The following ABI3BP variants were observed in gnomAD, a reference collection of about 807,000 sequenced individuals.
ABI3BP encodes the protein target of Nesh-SH3.
A neutral mutation model predicts 268.6 loss-of-function variants in ABI3BP; 216 were observed. The ratio of observed to expected loss-of-function variants is 0.80; its 90% CI spans 0.72 to 0.90. ABI3BP has a LOEUF of 0.90. Among genes scored for constraint, ABI3BP ranks in the 40% least tolerant of loss-of-function variants. The pLI is 0.00. For synonymous variants in ABI3BP, 730 were observed against 730.0 expected, an observed-to-expected ratio of 1.00 and a Z score of 0.00; for missense variants, 2,090 against 2,182.4, an observed-to-expected ratio of 0.96 and a Z score of 0.84.
At chr3:100,889,148 C>T (rs1200614609) in intron 4 of ABI3BP, among the ~76,000 whole-genome samples, 1 of 152,118 alleles carries the variant, frequency 6.6e-6, no homozygotes, top group Non-Finnish European at 1.5e-5. Context: ...TGAAGCCAAA[C>T]ACAATAAATT....
chr3:100,842,894 T>C (rs1201093460), intron 20 of ABI3BP, among the ~76,000 whole-genome samples: 3 of 152,186 alleles, frequency 2.0e-5, no homozygotes, highest in Non-Finnish European at 4.4e-5. Flanking sequence ...CTTTGACTTT[T>C]CTTAAAGAAA....
chr3:100,812,322 A>G (rs2097882278), intron 46 of ABI3BP, 145 bp downstream of exon 46: 1 of 447,396 alleles, frequency 2.2e-6, no homozygotes, highest in East Asian at 3.5e-5. Context: ...ATACAATGAC[A>G]TTCAAGACCC....
At chr3:100,833,672 T>C (rs996784610) in intron 29 of ABI3BP, among the ~76,000 whole-genome samples, 10 of 152,198 alleles carry the variant, frequency 6.6e-5, no homozygotes, top group South Asian at 2.1e-4. Context: ...TAGAGGGTCA[T>C]TCAATCCATC....
chr3:100,940,216 A>G (rs1339739194), intron 1 of ABI3BP, among the ~76,000 whole-genome samples: 1 of 152,138 alleles, frequency 6.6e-6, no homozygotes, highest in Non-Finnish European at 1.5e-5. Flanking sequence ...TGAGATAAAA[A>G]TAAAGACAGG....
At position 100,829,615 on chromosome 3, in the gene ABI3BP, G is replaced by T. The variant is rs1270693511; in HGVS notation, c.2508C>A (p.Thr836=). 5.9e-6 allele frequency: 9 copies of T among 1,535,686 alleles called. No individual in the cohort carries two copies. The highest frequency in any genetic ancestry group is 7.9e-6 in the Non-Finnish European group (9 of 1,146,484). The change falls in exon 33 of 68, where the codon ACC becomes ACA. Residue 836 remains threonine (T), a synonymous_variant. Coordinates refer to ENST00000471714, the MANE Select transcript of ABI3BP (RefSeq NM_001375547.2). ...TCTGAAGCTCTTCGGGACTCAGTGT[G>T]GTTTTAGGTTTGGGATGTGGACGAT... The part of the protein sequence containing the change: ...RTHRPHPKPK[T]TLSPEELQTE...
rs1020356817 is a variant in ABI3BP at position 100,834,740 on chromosome 3, C to T, written c.2225G>A (p.Arg742His). ...PKTSQRTRTR[R>H]PRPKHKTTPR... ...CGTGGTTTTATGTTTGGGACGTGGA[C>T]GACGTGTTCTTGTTCGTTGCGATGT... is the stretch of plus-strand genomic sequence containing the variant. Residue 742 changes from arginine (R) to histidine (H), a missense_variant, in exon 29 of 68, where the codon CGT (arginine) becomes CAT (histidine). Arg to His is a conservative substitution (Grantham distance 29). Transcript: ENST00000471714. 1.1e-5 allele frequency: 17 copies of T among 1,535,534 alleles called. No homozygotes were observed. Among genetic ancestry groups the T allele is most frequent in the East Asian group, 4.9e-5 (2 of 40,900 alleles).
intron 12 of ABI3BP, chr3:100,863,398 C>A (rs1183452383): frequency 6.4e-6 from 1 of 156,406 alleles, no homozygotes; most frequent in South Asian, 2.0e-4. Context: ...TCACTGCAAC[C>A]TCCACCTCCT....
intron 9 of ABI3BP, among the ~76,000 whole-genome samples, chr3:100,867,827 C>T (rs1010026024): frequency 5.3e-5 from 8 of 151,566 alleles, no homozygotes; most frequent in African/African-American, 1.9e-4. Context: ...TAGATCTTCT[C>T]TTTTAATCTC....
intron 1 of ABI3BP, among the ~76,000 whole-genome samples, chr3:100,940,673 A>C (rs1313933920): frequency 6.7e-6 from 1 of 148,794 alleles, no homozygotes; most frequent in Non-Finnish European, 1.5e-5. Flanking sequence ...TAATTCTGCT[A>C]TTACTGGTAA....
chr3:100,925,039 C>G (rs573239985), intron 2 of ABI3BP, among the ~76,000 whole-genome samples: 1 of 152,250 alleles, frequency 6.6e-6, no homozygotes, highest in East Asian at 1.9e-4. Flanking sequence ...AGTGTTATTA[C>G]ATTTGTCAGA....
Position 100,904,671 on chromosome 3 carries a change from C to T in ABI3BP, c.260-1985G>A, listed in dbSNP as rs935613250. Among the ~76,000 whole-genome samples, 8 of 151,874 alleles carry T rather than the reference C, an allele frequency of 5.3e-5. No individual in the cohort carries two copies. The East Asian group carries it at 5.8e-4, about 11-fold the overall frequency. On this transcript the variant is annotated intron_variant, in intron 2 of 67. Transcript: ENST00000471714. ...GCACTTTAAGAAATATGAATATCAT[C>T]GCTGGCCATCAGAGAAATGCAAATC... is the stretch of plus-strand genomic sequence containing the variant.
intron 26 of ABI3BP, 60 bp from the exon 27 acceptor site, chr3:100,837,231 G>T: frequency 1.5e-6 from 2 of 1,337,436 alleles, no homozygotes; most frequent in Admixed American, 4.5e-5. Context: ...AAACTTTTGG[G>T]TGCTCATTGG....
intron 1 of ABI3BP, among the ~76,000 whole-genome samples, chr3:100,977,003 A>G (rs2086566635): frequency 6.6e-6 from 1 of 152,180 alleles, no homozygotes; most frequent in African/African-American, 2.4e-5. Context: ...GAATTTTTTT[A>G]AAGGGATAAT....
chr3:100,859,756 A>C (rs2098977208), intron 14 of ABI3BP, among the ~76,000 whole-genome samples: 1 of 152,226 alleles, frequency 6.6e-6, no homozygotes, highest in Non-Finnish European at 1.5e-5. Context: ...ACTAGCAGAA[A>C]CAAGAGATAC....
rs556125166 is a variant in ABI3BP, at chr3:100,908,334, G to A, written c.260-5648C>T. ...CAATGATACTGGGTAAAAAAACAAC[G>A]GGACTGTTGATAACTGAGTTGAATT... On this transcript the variant is annotated intron_variant, in intron 2 of 67. Coordinates refer to ENST00000471714, the MANE Select transcript of ABI3BP (RefSeq NM_001375547.2). 9.2e-5 allele frequency among the ~76,000 whole-genome samples: 14 copies of A among 152,116 alleles called. No homozygotes were observed. In the South Asian group the frequency reaches 2.1e-3, roughly 23 times the overall value.
chr3:100,789,408 C>A, intron 56 of ABI3BP, 46 bp downstream of exon 56: 1 of 1,558,032 alleles, frequency 6.4e-7, no homozygotes, highest in Non-Finnish European at 8.7e-7. Context: ...CATTTCATAT[C>A]TTCCCCTGCC....
chr3:100,754,385 G>A (rs936897653), intron 64 of ABI3BP, among the ~76,000 whole-genome samples: 1 of 152,162 alleles, frequency 6.6e-6, no homozygotes, highest in African/African-American at 2.4e-5. Flanking sequence ...TTTTGGAAGA[G>A]TATAGATTCA....
chr3:100,817,536 G>A (rs1560403155), intron 41 of ABI3BP, 41 bp from the exon 42 acceptor site: 6 of 1,327,374 alleles, frequency 4.5e-6, no homozygotes, highest in Non-Finnish European at 6.1e-6. Context: ...GATTTAACTT[G>A]AATATTAATT....
chr3:100,780,153 T>TA lies in ABI3BP; in HGVS notation c.4218dup (p.Thr1407TyrfsTer5). 2 of 1,612,886 alleles carry TA rather than the reference T, an allele frequency of 1.2e-6. No individual in the cohort carries two copies. Among genetic ancestry groups the TA allele is most frequent in the Non-Finnish European group, 1.7e-6 (2 of 1,179,170 alleles). On this transcript the variant is annotated frameshift_variant, in exon 58 of 68. Coordinates refer to ENST00000471714, the MANE Select transcript of ABI3BP (RefSeq NM_001375547.2). LOFTEE classifies it high-confidence loss of function. The stretch of plus-strand genomic sequence containing the variant: ...TTACCTGGCTTTTTAGTGGGGTGGG[T>TA]AGAGTCCACTGATACATTTCTATCA...
Sources: gnomAD v4.1 joint callset for allele counts (sites outside exome capture counted in the v4.1 genomes callset) on GRCh38, gnomAD v4.1.1 for gene constraint, MANE v1.5 for transcripts, NCBI Gene and HGNC (gene_info 2026-07-23, HGNC 2026-07-21) for gene names.